The following FSCN1 variants were observed in gnomAD, a reference collection of about 807,000 sequenced individuals.
FSCN1 encodes the protein fascin actin-bundling protein 1, also known as fascin.
In FSCN1, 10 loss-of-function variants were observed where a neutral mutation model predicts 39.7. That is an observed-to-expected ratio of 0.25 (90% CI 0.16 to 0.43). FSCN1 has a LOEUF of 0.43. Ranked by LOEUF, FSCN1 falls within the 20% of genes least tolerant of loss-of-function variation. The pLI, the probability that FSCN1 is intolerant of heterozygous loss-of-function variation, is 1.00. For synonymous variants in FSCN1, 322 were observed against 320.0 expected, an observed-to-expected ratio of 1.01 and a Z score of -0.07; for missense variants, 525 against 723.8, an observed-to-expected ratio of 0.73 and a Z score of 3.15.
At position 5,592,866 on chromosome 7, in the gene FSCN1, C is replaced by A. The variant is rs1437376199; in HGVS notation, c.-71C>A. The stretch of plus-strand genomic sequence containing the variant: ...GGGCCGCGGCAGCCGAACAAAGGAG[C>A]AGGGGCGCCGCCGCAGGGACCCGCC... On this transcript the variant is annotated 5_prime_UTR_variant, in exon 1 of 5. Transcript: ENST00000382361. This position sits in a 1 kb window ranked among gnomAD's most constrained non-coding sequence, Gnocchi z 5.3. 2.2e-6 allele frequency: 2 copies of A among 908,318 alleles called. No homozygotes were observed. Among genetic ancestry groups the A allele is most frequent in the Non-Finnish European group, 3.3e-6 (2 of 611,666 alleles). The allele number at this position is 908,318 out of a possible 1,614,324, so 56.3% of individuals were successfully genotyped here.
In FSCN1 at chr7:5,593,537, C is replaced by A; in HGVS notation, c.601C>A (p.Arg201Ser). Reference sequence around the variant, plus strand: ...CCACCGCTTCCTGCGCCACGACGGGCGCCTGGTGGCGCGCCCCGAGCCGGC... The same window carrying A: ...CCACCGCTTCCTGCGCCACGACGGGAGCCTGGTGGCGCGCCCCGAGCCGGC... The part of the protein sequence containing the change: ...ADHRFLRHDG[R>S]LVARPEPATG... The change falls in exon 1 of 5, where the codon CGC becomes AGC. Residue 201 changes from arginine to serine, a missense_variant. By Grantham distance (110) the Arg-to-Ser change is moderately radical. Coordinates refer to ENST00000382361, the MANE Select transcript of FSCN1 (RefSeq NM_003088.4). 2 of 1,595,066 alleles carry A rather than the reference C, an allele frequency of 1.3e-6. No individual in the cohort carries two copies. The highest frequency in any genetic ancestry group is 1.7e-5 in the Admixed American group (1 of 58,312).
intron 1 of FSCN1, among the ~76,000 whole-genome samples, chr7:5,598,591 C>A (rs3801004): frequency 1.3e-5 from 2 of 152,142 alleles, no homozygotes; most frequent in African/African-American, 2.4e-5. Context: ...TGTGTGAGGA[C>A]GAGCCCTGTA....
In FSCN1 at chr7:5,605,006, C is replaced by G. The variant is rs1051516973; in HGVS notation, c.1280-266C>G. ...CAAGGCTGGCTCGAACTCCTGACCT[C>G]AAGTGATCCGCCCACCTCAGCCTCC... is the stretch of plus-strand genomic sequence containing the variant. On this transcript the variant is annotated intron_variant, in intron 4 of 4. Transcript: ENST00000382361. This position sits in a 1 kb window ranked among gnomAD's most constrained non-coding sequence, Gnocchi z 6.9. 6.6e-6 allele frequency among the ~76,000 whole-genome samples: 1 copy of G among 152,160 alleles called. No homozygotes were observed. The highest frequency in any genetic ancestry group is 2.4e-5 in the African/African-American group (1 of 41,436).
rs757449828 is a variant in FSCN1, at chr7:5,603,452, C to T, written c.989+39C>T. ...TCCCACCTGTCACCGCCCCCACCACCTTGCCTGGGCTACCCCGCCTGACCC... is the reference window on the plus strand; with the variant it reads ...TCCCACCTGTCACCGCCCCCACCACTTTGCCTGGGCTACCCCGCCTGACCC... On this transcript the variant is annotated intron_variant, in intron 2 of 4. Coordinates refer to ENST00000382361, the MANE Select transcript of FSCN1 (RefSeq NM_003088.4). This position sits in a 1 kb window ranked among gnomAD's most constrained non-coding sequence, Gnocchi z 8.5. 3.7e-6 allele frequency: 6 copies of T among 1,613,958 alleles called. No homozygotes were observed. Among genetic ancestry groups the T allele is most frequent in the Non-Finnish European group, 5.1e-6 (6 of 1,179,994 alleles).
chr7:5,594,004 C>T, intron 1 of FSCN1: 1 of 542,340 alleles, frequency 1.8e-6, no homozygotes, highest in Non-Finnish European at 3.2e-6. Flanking sequence ...CATGGGCTCC[C>T]CTAGGCCCCG....
chr7:5,597,714 A>T (rs1008941504), intron 1 of FSCN1, among the ~76,000 whole-genome samples: 1 of 146,366 alleles, frequency 6.8e-6, no homozygotes, highest in Non-Finnish European at 1.6e-5. Flanking sequence ...AACAAACAAA[A>T]AACTGTAATT....
chr7:5,593,809 C>G (rs1785677700), intron 1 of FSCN1, 41 bp downstream of exon 1: 1 of 1,312,712 alleles, frequency 7.6e-7, no homozygotes, highest in Admixed American at 2.4e-5. Flanking sequence ...GGTCCGTGCA[C>G]AAAGCGCACC....
At chr7:5,598,082 C>T (rs1785763186) in intron 1 of FSCN1, among the ~76,000 whole-genome samples, 1 of 152,220 alleles carries the variant, frequency 6.6e-6, no homozygotes, top group African/African-American at 2.4e-5. Flanking sequence ...CCTATCCCTC[C>T]CTGCTGGGGT....
rs1785875689 is a variant in FSCN1, at chr7:5,603,656, G to A, written c.1111+39G>A. ...CCCAGTTCCCTGGAGCCGTCCTGGA[G>A]TCCTGGAGGGTCTGGCCATGCCGTG... is the stretch of plus-strand genomic sequence containing the variant. On this transcript the variant is annotated intron_variant, in intron 3 of 4. Coordinates refer to ENST00000382361, the MANE Select transcript of FSCN1 (RefSeq NM_003088.4). The surrounding 1 kb of genome is among the most constrained non-coding windows in gnomAD (Gnocchi z 8.5). The A allele has an allele frequency of 1.9e-6, 3 of 1,612,884 alleles. No individual in the cohort carries two copies. The highest frequency in any genetic ancestry group is 1.7e-6 in the Non-Finnish European group (2 of 1,179,516).
Position 5,601,197 on chromosome 7 carries a change from CTT to C in FSCN1, c.833-2038_833-2037del, listed in dbSNP as rs534109521. On this transcript the variant is annotated intron_variant, in intron 1 of 4. Transcript: ENST00000382361. ...TCTGTGCATGTTTCTTTCTTTCTTC[CTT>C]TTTTTTTTTTTTTTTTTTTTTGAGA... Among the ~76,000 whole-genome samples the C allele has an allele frequency of 8.0e-3, 919 of 115,486 alleles. 6 individuals carry two copies. Among genetic ancestry groups the C allele is most frequent in the African/African-American group, 0.03 (860 of 29,102 alleles). The allele number at this position is 115,486 out of a possible 152,430, so 75.8% of individuals were successfully genotyped here. A position where few individuals can be genotyped will look rare whatever the true frequency, so the allele number is the denominator to read the frequency against.
chr7:5,600,016 G>A (rs562660102), intron 1 of FSCN1, among the ~76,000 whole-genome samples: 3 of 152,338 alleles, frequency 2.0e-5, no homozygotes, highest in South Asian at 4.1e-4. Flanking sequence ...AATCCAGAGC[G>A]CGTGGGGAAT....
chr7:5,602,538 C>A (rs1474244069), intron 1 of FSCN1, among the ~76,000 whole-genome samples: 1 of 152,082 alleles, frequency 6.6e-6, no homozygotes, highest in Non-Finnish European at 1.5e-5. Flanking sequence ...CAGGGCATTT[C>A]ATCCCAAAAT....
At chr7:5,593,915 AC>A in intron 1 of FSCN1, 147 bp downstream of exon 1, 1 of 608,190 alleles carries the variant, frequency 1.6e-6, no homozygotes, top group South Asian at 2.1e-5. Flanking sequence ...CACGCGGGCT[AC>A]CCCGCCTGGA....
intron 1 of FSCN1, chr7:5,594,958 A>G (rs1562745336): frequency 6.6e-6 from 1 of 152,308 alleles, no homozygotes; most frequent in Non-Finnish European, 1.5e-5. Context: ...ATTCTCCCCG[A>G]GGGGCTTTCT....
In FSCN1 at chr7:5,603,873, G is replaced by C; in HGVS notation, c.1122G>C (p.Glu374Asp). 6.2e-7 allele frequency: 1 copy of C among 1,613,596 alleles called. No homozygotes were observed. The highest frequency in any genetic ancestry group is 8.5e-7 in the Non-Finnish European group (1 of 1,179,864). Residue 374 changes from glutamate (E) to aspartate (D), a missense_variant, in exon 4 of 5, where the codon GAG becomes GAC. By Grantham distance (45) the Glu-to-Asp change is conservative. This residue lies in a region of FSCN1 where 275 missense variants were observed against 351.9 expected (regional missense o/e 0.78). Transcript: ENST00000382361. The surrounding 1 kb of genome is among the most constrained non-coding windows in gnomAD (Gnocchi z 8.5). Reference protein sequence around the residue: ...AASVETAGDSELFLMKLINRP... With the variant: ...AASVETAGDSDLFLMKLINRP... ...CTCTTTCTGGGACAGGGGACTCAGA[G>C]CTCTTCCTCATGAAGCTCATCAACC...
intron 1 of FSCN1, among the ~76,000 whole-genome samples, chr7:5,595,235 T>G (rs1785709658): frequency 6.6e-6 from 1 of 152,116 alleles, no homozygotes; most frequent in Non-Finnish European, 1.5e-5. Context: ...GGTGGAGGCC[T>G]GGGTGGGGTA....
At chr7:5,596,032 G>C (rs895740621) in intron 1 of FSCN1, among the ~76,000 whole-genome samples, 3 of 151,916 alleles carry the variant, frequency 2.0e-5, no homozygotes, top group African/African-American at 7.3e-5. Context: ...GGACGGCGCG[G>C]GGGTGGGGGT....
At position 5,598,977 on chromosome 7, in the gene FSCN1, GGCTCCCTGCAGCCCT is replaced by G. The variant is rs1419134653; in HGVS notation, c.833-4277_833-4263del. Among the ~76,000 whole-genome samples the G allele has an allele frequency of 6.6e-5, 10 of 152,162 alleles. No individual in the cohort carries two copies. The East Asian group carries it at 1.9e-3, about 29-fold the overall frequency. On this transcript the variant is annotated intron_variant, in intron 1 of 4. Coordinates refer to ENST00000382361, the MANE Select transcript of FSCN1 (RefSeq NM_003088.4). ...GCTGTGCGGGTGTGGCTGGCCTGACGGCTCCCTGCAGCCCTGCGGCTTCTGTGCAGTGGGGGTGGG... is the reference window on the plus strand; with the variant it reads ...GCTGTGCGGGTGTGGCTGGCCTGACGGCGGCTTCTGTGCAGTGGGGGTGGG...
At position 5,592,903 on chromosome 7, in the gene FSCN1, G is replaced by A. The variant is rs750251602; in HGVS notation, c.-34G>A. ...CGCAGGGACCCGCCACCCACCTCCCGGGGCCGCGCAGCGGCCTCTCGTCTA... is the reference window on the plus strand; with the variant it reads ...CGCAGGGACCCGCCACCCACCTCCCAGGGCCGCGCAGCGGCCTCTCGTCTA... On this transcript the variant is annotated 5_prime_UTR_variant, in exon 1 of 5. Transcript: ENST00000382361. The surrounding 1 kb of genome is among the most constrained non-coding windows in gnomAD (Gnocchi z 5.3). 32 of 1,369,394 alleles carry A rather than the reference G, an allele frequency of 2.3e-5. No homozygotes were observed. In the African/African-American group the frequency reaches 3.7e-4, roughly 16 times the overall value. 84.8% of individuals were successfully genotyped at this position (1,369,394 alleles called of 1,614,324 possible). A position where few individuals can be genotyped will look rare whatever the true frequency, so the allele number is the denominator to read the frequency against.
Sources: allele counts gnomAD v4.1 joint callset (sites outside exome capture counted in the v4.1 genomes callset), GRCh38; gene constraint gnomAD v4.1.1; regional missense constraint gnomAD v4.1.1; non-coding constraint Gnocchi (gnomAD v3.1); transcripts MANE v1.5; gene names NCBI Gene and HGNC (gene_info 2026-07-23, HGNC 2026-07-21).